CCSER1: variants seen among roughly 807,000 people sequenced by gnomAD.
CCSER1 encodes the protein coiled-coil serine rich protein 1.
CCSER1 carries 41 observed loss-of-function variants against 82.0 expected under a neutral mutation model. That is an observed-to-expected ratio of 0.50 (90% CI 0.39 to 0.65). CCSER1 has a LOEUF of 0.65. Ranked by LOEUF, CCSER1 falls within the 30% of genes least tolerant of loss-of-function variation. The pLI is 0.00. For synonymous variants in CCSER1, 414 were observed against 383.9 expected (o/e 1.08, Z -0.92); for missense variants, 1,119 against 1,064.2 (o/e 1.05, Z -0.72).
intron 5 of CCSER1, among the ~76,000 whole-genome samples, chr4:90,495,984 C>A (rs75184427): frequency 0.015 from 2,310 of 152,202 alleles, 38 homozygotes; most frequent in African/African-American, 0.045. Flanking sequence ...ATTTAAATGA[C>A]TTTTGCAAAA....
chr4:91,152,271 G>T (rs2079113), intron 10 of CCSER1, among the ~76,000 whole-genome samples: 1 of 151,280 alleles, frequency 6.6e-6, no homozygotes, highest in Non-Finnish European at 1.5e-5. Context: ...TTTAAAGTCT[G>T]TTTTATTAGA....
At chr4:91,081,372 C>CA (rs1329457471) in intron 9 of CCSER1, among the ~76,000 whole-genome samples, 1 of 152,006 alleles carries the variant, frequency 6.6e-6, no homozygotes, top group Admixed American at 6.6e-5. Flanking sequence ...GCCCTTCATG[C>CA]AAAAAACTCT....
chr4:90,504,847 G>T (rs1034668194), intron 5 of CCSER1, among the ~76,000 whole-genome samples: 2 of 152,130 alleles, frequency 1.3e-5, no homozygotes, highest in Non-Finnish European at 2.9e-5. Context: ...TCCAAACATT[G>T]CAGAGCATCC....
intron 10 of CCSER1, among the ~76,000 whole-genome samples, chr4:91,317,805 T>G (rs1446385249): frequency 6.6e-6 from 1 of 151,800 alleles, no homozygotes; most frequent in Non-Finnish European, 1.5e-5. Context: ...ATAACAAGAT[T>G]GAGAAGGTTT....
intron 8 of CCSER1, among the ~76,000 whole-genome samples, chr4:90,827,824 A>T (rs1760655580): frequency 6.6e-6 from 1 of 152,198 alleles, no homozygotes; most frequent in African/African-American, 2.4e-5. Flanking sequence ...TAGTTACACA[A>T]ATTTATCATG....
rs1758937681 is a variant in CCSER1, at chr4:91,496,843, ATATATATTCAAATATATAT to A, written c.2218-101727_2218-101709del. Among the ~76,000 whole-genome samples the A allele has an allele frequency of 5.6e-4, 70 of 124,808 alleles. 3 individuals are homozygous for A. The highest frequency in any genetic ancestry group is 8.7e-3 in the Middle Eastern group (2 of 230). The allele number at this position is 124,808 out of a possible 152,430, so 81.9% of individuals were successfully genotyped here. A position where few individuals can be genotyped will look rare whatever the true frequency, so the allele number is the denominator to read the frequency against. Reference sequence around the variant, plus strand: ...TATATATTGAATATATATTGAATATATATATATTCAAATATATATTGAATATATATATTCAATTCAAATA... The same window carrying A: ...TATATATTGAATATATATTGAATATATGAATATATATATTCAATTCAAATA... On this transcript the variant is annotated intron_variant, in intron 10 of 10. Transcript: ENST00000509176.
chr4:90,772,546 TTATAA>T (rs1752338416), intron 7 of CCSER1, among the ~76,000 whole-genome samples: 1 of 152,196 alleles, frequency 6.6e-6, no homozygotes, highest in African/African-American at 2.4e-5. Context: ...TATAAGTTTC[TTATAA>T]TATATCAGTC....
chr4:90,818,665 T>G (rs986820130), intron 8 of CCSER1, among the ~76,000 whole-genome samples: 3 of 152,194 alleles, frequency 2.0e-5, no homozygotes, highest in African/African-American at 7.2e-5. Flanking sequence ...GGTGGCACTT[T>G]GTTGTGTCTG....
chr4:91,449,505 A>T (rs890580710), intron 10 of CCSER1, among the ~76,000 whole-genome samples: 4 of 152,038 alleles, frequency 2.6e-5, no homozygotes, highest in African/African-American at 9.7e-5. Flanking sequence ...ATTTAAAATG[A>T]TTACAAATTT....
At chr4:91,183,973 C>T (rs1248822527) in intron 10 of CCSER1, among the ~76,000 whole-genome samples, 2 of 152,138 alleles carry the variant, frequency 1.3e-5, no homozygotes, top group African/African-American at 2.4e-5. Context: ...TTTAATTGAT[C>T]CCTACGTATG....
At chr4:91,500,367 A>C (rs551462173) in intron 10 of CCSER1, among the ~76,000 whole-genome samples, 1 of 152,046 alleles carries the variant, frequency 6.6e-6, no homozygotes, top group Non-Finnish European at 1.5e-5. Context: ...TATATTTTGG[A>C]TAAGTCCTTT....
intron 9 of CCSER1, among the ~76,000 whole-genome samples, chr4:91,071,639 A>T (rs1264187341): frequency 1.3e-5 from 2 of 152,158 alleles, no homozygotes; most frequent in African/African-American, 2.4e-5. Context: ...CTTTTTACCT[A>T]TTTGAGTGCA....
At chr4:91,431,158 C>G (rs903396984) in intron 10 of CCSER1, among the ~76,000 whole-genome samples, 1 of 152,092 alleles carries the variant, frequency 6.6e-6, no homozygotes, top group African/African-American at 2.4e-5. Context: ...ATGGCGTGAA[C>G]CCGGGAGGCG....
intron 3 of CCSER1, among the ~76,000 whole-genome samples, chr4:90,351,425 G>T (rs1579330317): frequency 6.6e-6 from 1 of 152,094 alleles, no homozygotes; most frequent in East Asian, 1.9e-4. Flanking sequence ...AAGCATGCAA[G>T]ATTTCTATGG....
At chr4:90,881,419 T>C (rs934134234) in intron 8 of CCSER1, among the ~76,000 whole-genome samples, 10 of 152,118 alleles carry the variant, frequency 6.6e-5, no homozygotes, top group Admixed American at 3.3e-4. Flanking sequence ...ACAGATTACT[T>C]TGAGATAACT....
At chr4:91,004,946 C>G (rs1053182593) in intron 9 of CCSER1, among the ~76,000 whole-genome samples, 1 of 152,114 alleles carries the variant, frequency 6.6e-6, no homozygotes, top group African/African-American at 2.4e-5. Context: ...GGGCTCTGTT[C>G]TGATTAGCAC....
intron 1 of CCSER1, among the ~76,000 whole-genome samples, chr4:90,275,747 GTCAC>G (rs1316561625): frequency 6.6e-6 from 1 of 152,178 alleles, no homozygotes; most frequent in African/African-American, 2.4e-5. Context: ...ATGCTTGGTT[GTCAC>G]TCAGGAGTGT....
At chr4:91,152,994 G>A (rs1159869905) in intron 10 of CCSER1, among the ~76,000 whole-genome samples, 1 of 151,792 alleles carries the variant, frequency 6.6e-6, no homozygotes, top group Non-Finnish European at 1.5e-5. Context: ...GTGTCTTGGA[G>A]TTGCTCTTCT....
intron 10 of CCSER1, among the ~76,000 whole-genome samples, chr4:91,087,907 G>C (rs1200861347): frequency 6.6e-6 from 1 of 152,066 alleles, no homozygotes; most frequent in Non-Finnish European, 1.5e-5. Context: ...AAACTTCAGG[G>C]AGGTATAAGA....
Sources: gnomAD v4.1 joint callset for allele counts (sites outside exome capture counted in the v4.1 genomes callset) on GRCh38, gnomAD v4.1.1 for gene constraint, MANE v1.5 for transcripts, NCBI Gene and HGNC (gene_info 2026-07-23, HGNC 2026-07-21) for gene names.